Variants in WASF2 observed in about 807,000 individuals in gnomAD.
WASF2 encodes actin-binding protein WASF2.
Under a neutral mutation model 45.0 loss-of-function variants are expected in WASF2, and 14 were observed. The observed-to-expected ratio is 0.31, with a 90% CI of 0.21 to 0.49. The LOEUF (loss-of-function observed/expected upper bound fraction) is 0.49. Among genes scored for constraint, WASF2 ranks in the 20% least tolerant of loss-of-function variants. The pLI, the probability that WASF2 is intolerant of heterozygous loss-of-function variation, is 0.99. For synonymous variants in WASF2, 200 were observed against 236.3 expected (o/e 0.85, Z 1.41); for missense variants, 439 against 636.1 (o/e 0.69, Z 3.33).
chr1:27,452,467 C>T (rs1281606996), intron 1 of WASF2, among the ~76,000 whole-genome samples: 1 of 151,984 alleles, frequency 6.6e-6, no homozygotes, highest in African/African-American at 2.4e-5. Context: ...GAGCTGAGAT[C>T]GTGCCACTGC....
At chr1:27,460,874 C>T (rs2017534421) in intron 1 of WASF2, among the ~76,000 whole-genome samples, 1 of 152,204 alleles carries the variant, frequency 6.6e-6, no homozygotes, top group Non-Finnish European at 1.5e-5. Context: ...CGCAGTGGCT[C>T]ACGCCTGTAA....
At chr1:27,478,970 T>C (rs1160466676) in intron 1 of WASF2, among the ~76,000 whole-genome samples, 1 of 152,080 alleles carries the variant, frequency 6.6e-6, no homozygotes, top group African/African-American at 2.4e-5. Flanking sequence ...TCCATCTCAC[T>C]GTATATAAGT....
At position 27,414,709 on chromosome 1, in the gene WASF2, TG is replaced by T; in HGVS notation, c.668+123del. ...GCACTTTAAAGTAGCTGATTAACAGTGGTATTGATCTAAGCCACAGAGACAG... is the reference window on the plus strand; with the variant it reads ...GCACTTTAAAGTAGCTGATTAACAGTGTATTGATCTAAGCCACAGAGACAG... On this transcript the variant is annotated intron_variant, in intron 6 of 8. Coordinates refer to ENST00000618852, the MANE Select transcript of WASF2 (RefSeq NM_006990.5). The surrounding 1 kb of genome is among the most constrained non-coding windows in gnomAD (Gnocchi z 4.1). The T allele has an allele frequency of 7.9e-7, 1 of 1,263,024 alleles. No individual in the cohort carries two copies. The highest frequency in any genetic ancestry group is 1.1e-6 in the Non-Finnish European group (1 of 915,812). 78.2% of individuals were successfully genotyped at this position (1,263,024 alleles called of 1,614,324 possible).
rs140366653 is a variant in WASF2 at position 27,420,246 on chromosome 1, C to T, written c.131-1158G>A. Among the ~76,000 whole-genome samples the T allele has an allele frequency of 3.5e-3, 528 of 152,208 alleles. 2 individuals carry two copies. The highest frequency in any genetic ancestry group is 6.0e-3 in the Non-Finnish European group (408 of 68,014). ...TTCAAAGTCTGCTCTAGGTTACAATCCTTCAAATCTACATCTCAGGAACCA... is the reference window on the plus strand; with the variant it reads ...TTCAAAGTCTGCTCTAGGTTACAATTCTTCAAATCTACATCTCAGGAACCA... On this transcript the variant is annotated intron_variant, in intron 2 of 8. Transcript: ENST00000618852.
chr1:27,484,183 G>A (rs2017892027), intron 1 of WASF2, among the ~76,000 whole-genome samples: 1 of 152,118 alleles, frequency 6.6e-6, no homozygotes, highest in African/African-American at 2.4e-5. Flanking sequence ...CTGTCATGGG[G>A]CTTTCTTCTA....
intron 1 of WASF2, among the ~76,000 whole-genome samples, chr1:27,481,808 T>C (rs1282397676): frequency 6.6e-6 from 1 of 152,208 alleles, no homozygotes; most frequent in Non-Finnish European, 1.5e-5. Flanking sequence ...CAGACTTCTC[T>C]GTATTTTACC....
intron 1 of WASF2, among the ~76,000 whole-genome samples, chr1:27,453,861 C>G (rs2017419920): frequency 6.6e-6 from 1 of 152,016 alleles, no homozygotes; most frequent in South Asian, 2.1e-4. Flanking sequence ...TGCACTCCAG[C>G]CTGGGCAACA....
At position 27,425,123 on chromosome 1, in the gene WASF2, C is replaced by T. The variant is rs1022416668; in HGVS notation, c.130+3638G>A. ...TATTTATTTATTTGAGACAAGGTCT[C>T]GCCCTGTTGGCCAGTGCTGGAGTGG... On this transcript the variant is annotated intron_variant, in intron 2 of 8. Transcript: ENST00000618852. Among the ~76,000 whole-genome samples, 114 of 152,246 alleles carry T rather than the reference C, an allele frequency of 7.5e-4. 1 individual carries two copies. Among genetic ancestry groups the T allele is most frequent in the African/African-American group, 2.6e-3 (109 of 41,548 alleles).
chr1:27,463,641 A>C (rs1415882407), intron 1 of WASF2, among the ~76,000 whole-genome samples: 2 of 150,502 alleles, frequency 1.3e-5, no homozygotes, highest in Non-Finnish European at 3.0e-5. Flanking sequence ...AAAAAAAAAA[A>C]AAAACTATGA....
intron 1 of WASF2, among the ~76,000 whole-genome samples, chr1:27,452,959 A>T (rs1273854416): frequency 1.3e-5 from 2 of 151,568 alleles, no homozygotes; most frequent in Non-Finnish European, 2.9e-5. Flanking sequence ...TAATCCCAGC[A>T]CTTTGGGAGG....
rs189186765 is a variant in WASF2 at position 27,458,823 on chromosome 1, T to A, written c.-43-29890A>T. On this transcript the variant is annotated intron_variant, in intron 1 of 8. Coordinates refer to ENST00000618852, the MANE Select transcript of WASF2 (RefSeq NM_006990.5). ...AAATAAAAAATTAAAAAATTTTTTT[T>A]AAAAAATTGTAAAAATTGGCAGCCG... is the stretch of plus-strand genomic sequence containing the variant. Among the ~76,000 whole-genome samples, 959 of 151,796 alleles carry A rather than the reference T, an allele frequency of 6.3e-3. 15 individuals carry two copies. The highest frequency in any genetic ancestry group is 0.02 in the African/African-American group (834 of 41,416).
chr1:27,482,934 A>G lies in WASF2; in HGVS notation c.-44+7052T>C, dbSNP rs571680492. Among the ~76,000 whole-genome samples, 304 of 152,294 alleles carry G rather than the reference A, an allele frequency of 2.0e-3. 1 individual carries two copies. The highest frequency in any genetic ancestry group is 3.7e-3 in the Non-Finnish European group (249 of 68,028). On this transcript the variant is annotated intron_variant, in intron 1 of 8. Transcript: ENST00000618852. ...ATATCTGGAGACATTTCTGGTTATC[A>G]CAACTGGGGCAGAGGGGGTGCTATT...
chr1:27,422,491 C>T (rs1003864485), intron 2 of WASF2, among the ~76,000 whole-genome samples: 3 of 151,682 alleles, frequency 2.0e-5, no homozygotes, highest in East Asian at 3.9e-4. Context: ...TGTTGGTGGG[C>T]GCCTGTAGTC....
chr1:27,456,722 A>G (rs2017472309), intron 1 of WASF2, among the ~76,000 whole-genome samples: 1 of 151,578 alleles, frequency 6.6e-6, no homozygotes, highest in Non-Finnish European at 1.5e-5. Flanking sequence ...TTTAATAGTT[A>G]AAGGTTTTCT....
In WASF2 at chr1:27,406,307, T is replaced by C. The variant is rs370965565; in HGVS notation, c.*1882A>G. On this transcript the variant is annotated 3_prime_UTR_variant, in exon 9 of 9. Coordinates refer to ENST00000618852, the MANE Select transcript of WASF2 (RefSeq NM_006990.5). ...TCCTGTGCCAGAGACACCTGATGTG[T>C]AAAGAGGGAAGAGGGCACACTTGGG... The C allele has an allele frequency of 3.9e-5, 6 of 152,284 alleles. No homozygotes were observed. The highest frequency in any genetic ancestry group is 1.2e-4 in the African/African-American group (5 of 41,366). The allele number at this position is 152,284 out of a possible 1,614,324, so 9.4% of individuals were successfully genotyped here.
At chr1:27,429,350 A>C (rs918001374) in intron 1 of WASF2, among the ~76,000 whole-genome samples, 4 of 152,208 alleles carry the variant, frequency 2.6e-5, no homozygotes, top group Admixed American at 1.3e-4. Flanking sequence ...ATTCTAGGCC[A>C]CCAATTATAA....
At chr1:27,449,786 G>C (rs189577224) in intron 1 of WASF2, among the ~76,000 whole-genome samples, 2 of 151,936 alleles carry the variant, frequency 1.3e-5, no homozygotes, top group African/African-American at 4.8e-5. Context: ...ACCAGGTCAC[G>C]AGAGAGGATC....
chr1:27,448,880 C>A (rs1365450096), intron 1 of WASF2, among the ~76,000 whole-genome samples: 1 of 151,828 alleles, frequency 6.6e-6, no homozygotes, highest in African/African-American at 2.4e-5. Flanking sequence ...CAATATGGCC[C>A]TTTATATGCC....
chr1:27,441,870 G>A (rs1312562538), intron 1 of WASF2, among the ~76,000 whole-genome samples: 8 of 149,992 alleles, frequency 5.3e-5, no homozygotes, highest in Non-Finnish European at 1.0e-4. Context: ...AGGTTGCAGT[G>A]AGCCAAGATT....
Sources: allele counts gnomAD v4.1 joint callset (sites outside exome capture counted in the v4.1 genomes callset), GRCh38; gene constraint gnomAD v4.1.1; non-coding constraint Gnocchi (gnomAD v3.1); transcripts MANE v1.5; gene names NCBI Gene and HGNC (gene_info 2026-07-23, HGNC 2026-07-21).